The following ERGIC1 variants were observed in gnomAD, a reference collection of about 807,000 sequenced individuals.
ERGIC1 encodes the protein endoplasmic reticulum-Golgi intermediate compartment protein 1.
ERGIC1 carries 19 observed loss-of-function variants against 38.3 expected under a neutral mutation model. The ratio of observed to expected loss-of-function variants is 0.50; its 90% confidence interval spans 0.35 to 0.73. The LOEUF is 0.73. Ranked by LOEUF, ERGIC1 falls within the 30% of genes least tolerant of loss-of-function variation. ERGIC1 has a pLI of 0.01. For synonymous variants in ERGIC1, 124 were observed against 157.6 expected (o/e 0.79, Z 1.60); for missense variants, 294 against 389.2 (o/e 0.76, Z 2.06).
intron 3 of ERGIC1, among the ~76,000 whole-genome samples, chr5:172,903,470 G>T (rs1762937395): frequency 6.6e-6 from 1 of 152,090 alleles, no homozygotes; most frequent in Non-Finnish European, 1.5e-5. Flanking sequence ...TGGGCTCTGG[G>T]CCCCCTGTCC....
chr5:172,835,201 A>G lies in ERGIC1; in HGVS notation c.20+768A>G, dbSNP rs187691506. 6.9e-3 allele frequency among the ~76,000 whole-genome samples: 1,046 copies of G among 152,276 alleles called. 7 individuals are homozygous for G. Among genetic ancestry groups the G allele is most frequent in the African/African-American group, 0.023 (967 of 41,568 alleles). On this transcript the variant is annotated intron_variant, in intron 1 of 9. Transcript: ENST00000393784. ...CCCTTGAGGTGTGGAGCCCCAGGGG[A>G]TGTCCTGGCCTGAGGCAGCCACACT...
At chr5:172,902,176 AG>A (rs1360286451) in intron 3 of ERGIC1, among the ~76,000 whole-genome samples, 1 of 151,924 alleles carries the variant, frequency 6.6e-6, no homozygotes, top group Non-Finnish European at 1.5e-5. Context: ...AGTTGACTGG[AG>A]GACTTGGATG....
intron 1 of ERGIC1, among the ~76,000 whole-genome samples, chr5:172,869,083 T>C (rs889114765): frequency 6.6e-6 from 1 of 152,138 alleles, no homozygotes; most frequent in African/African-American, 2.4e-5. Context: ...GAGTGCACCT[T>C]GCGTGGGGAG....
chr5:172,898,924 C>T (rs1762801164), intron 3 of ERGIC1, among the ~76,000 whole-genome samples: 1 of 152,162 alleles, frequency 6.6e-6, no homozygotes, highest in African/African-American at 2.4e-5. Flanking sequence ...GAGCTCGAAG[C>T]AGGGAGAGCG....
At chr5:172,864,927 T>A (rs957559436) in intron 1 of ERGIC1, among the ~76,000 whole-genome samples, 1 of 152,156 alleles carries the variant, frequency 6.6e-6, no homozygotes, top group Admixed American at 6.5e-5. Context: ...CTGACTTATT[T>A]TCATGTCCTT....
intron 3 of ERGIC1, among the ~76,000 whole-genome samples, chr5:172,908,477 G>A (rs1159554148): frequency 6.6e-6 from 1 of 151,818 alleles, no homozygotes; most frequent in East Asian, 2.0e-4. Flanking sequence ...TCGGGAGGCT[G>A]AGGCAGAATA....
chr5:172,878,932 C>T (rs1762215677), intron 1 of ERGIC1, among the ~76,000 whole-genome samples: 1 of 152,286 alleles, frequency 6.6e-6, no homozygotes, highest in East Asian at 1.9e-4. Context: ...ACCGAGGGCT[C>T]CGACAGGCTG....
intron 3 of ERGIC1, among the ~76,000 whole-genome samples, chr5:172,903,937 C>T (rs1322006543): frequency 2.0e-5 from 3 of 148,376 alleles, no homozygotes; most frequent in Non-Finnish European, 4.5e-5. Flanking sequence ...GGTGTGGAAT[C>T]GGCCCTCAAG....
At chr5:172,903,426 C>T (rs1762936465) in intron 3 of ERGIC1, among the ~76,000 whole-genome samples, 1 of 152,144 alleles carries the variant, frequency 6.6e-6, no homozygotes, top group Non-Finnish European at 1.5e-5. Flanking sequence ...CGATTCCCAT[C>T]CCATCCAGGC....
At chr5:172,877,473 T>G (rs1179807132) in intron 1 of ERGIC1, among the ~76,000 whole-genome samples, 1 of 143,998 alleles carries the variant, frequency 6.9e-6, no homozygotes, top group African/African-American at 2.5e-5. Flanking sequence ...TTTTTTTTTT[T>G]TTTGAGATGG....
chr5:172,850,042 A>T (rs1282071074), intron 1 of ERGIC1, among the ~76,000 whole-genome samples: 1 of 152,144 alleles, frequency 6.6e-6, no homozygotes, highest in South Asian at 2.1e-4. Context: ...GGGTGTGTCA[A>T]CGTCGTGTGC....
intron 1 of ERGIC1, among the ~76,000 whole-genome samples, chr5:172,845,364 C>T (rs1023853086): frequency 6.6e-6 from 1 of 152,174 alleles, no homozygotes; most frequent in Non-Finnish European, 1.5e-5. Context: ...TGAGCCCCTG[C>T]CGGGGGAGCC....
chr5:172,902,782 G>A (rs988281750), intron 3 of ERGIC1, among the ~76,000 whole-genome samples: 17 of 151,826 alleles, frequency 1.1e-4, no homozygotes, highest in Non-Finnish European at 1.8e-4. Flanking sequence ...AAGCCCTTGC[G>A]GCAGGCCTCA....
At chr5:172,929,900 A>C (rs944545266) in intron 7 of ERGIC1, among the ~76,000 whole-genome samples, 1 of 152,188 alleles carries the variant, frequency 6.6e-6, no homozygotes, top group Non-Finnish European at 1.5e-5. Context: ...GTTCTTAGAA[A>C]AAGATGGCTG....
chr5:172,855,735 C>T (rs543089427), intron 1 of ERGIC1, among the ~76,000 whole-genome samples: 1 of 152,304 alleles, frequency 6.6e-6, no homozygotes, highest in Admixed American at 6.5e-5. Flanking sequence ...GGGAATGCAC[C>T]AGGCAGGCAG....
chr5:172,856,299 C>T lies in ERGIC1; in HGVS notation c.20+21866C>T, dbSNP rs187630076. On this transcript the variant is annotated intron_variant, in intron 1 of 9. Coordinates refer to ENST00000393784, the MANE Select transcript of ERGIC1 (RefSeq NM_001031711.3). ...AAACTTACTCACAAGAAGCAAAGAGCCCTGTTGGAAAGGTGAGGTTTGGTC... is the reference window on the plus strand; with the variant it reads ...AAACTTACTCACAAGAAGCAAAGAGTCCTGTTGGAAAGGTGAGGTTTGGTC... Among the ~76,000 whole-genome samples, 140 of 152,308 alleles carry T rather than the reference C, an allele frequency of 9.2e-4. 1 individual carries two copies. Among genetic ancestry groups the T allele is most frequent in the Non-Finnish European group, 2.8e-4 (19 of 68,028 alleles).
At position 172,834,523 on chromosome 5, in the gene ERGIC1, C is replaced by CA; in HGVS notation, c.20+94dup. ...CCGCGGACCCCTCCCGCCCTGCATG[C>CA]AAAAGCGGCTCCCCGCCCTGTGCAT... On this transcript the variant is annotated intron_variant, in intron 1 of 9. Coordinates refer to ENST00000393784, the MANE Select transcript of ERGIC1 (RefSeq NM_001031711.3). The surrounding 1 kb of genome is among the most constrained non-coding windows in gnomAD (Gnocchi z 4.1). The CA allele has an allele frequency of 8.3e-7, 1 of 1,203,058 alleles. No homozygotes were observed. The highest frequency in any genetic ancestry group is 3.5e-5 in the South Asian group (1 of 28,860). 74.5% of individuals were successfully genotyped at this position (1,203,058 alleles called of 1,614,324 possible).
At chr5:172,893,882 T>C (rs11955391) in intron 2 of ERGIC1, among the ~76,000 whole-genome samples, 6,126 of 18,726 alleles carry the variant, frequency 0.33, 871 homozygotes, top group East Asian at 0.41. Flanking sequence ...TATATATATA[T>C]ATATATATAT....
At chr5:172,850,617 T>G (rs1028256455) in intron 1 of ERGIC1, among the ~76,000 whole-genome samples, 1 of 152,146 alleles carries the variant, frequency 6.6e-6, no homozygotes, top group African/African-American at 2.4e-5. Context: ...ACTTCACCTC[T>G]CTGAGTCTGT....
Sources: allele counts gnomAD v4.1 joint callset (sites outside exome capture counted in the v4.1 genomes callset), GRCh38; gene constraint gnomAD v4.1.1; non-coding constraint Gnocchi (gnomAD v3.1); transcripts MANE v1.5; gene names NCBI Gene and HGNC (gene_info 2026-07-23, HGNC 2026-07-21).